Variants in MALRD1 observed in about 807,000 individuals in gnomAD.
MALRD1 encodes the protein MAM and LDL-receptor class A domain-containing protein 1.
MALRD1 carries 247 observed loss-of-function variants against 242.1 expected under a neutral mutation model. The ratio of observed to expected loss-of-function variants is 1.02; its 90% CI spans 0.92 to 1.13. The LOEUF is 1.13. Ranked by LOEUF, MALRD1 falls within the 50% of genes most tolerant of loss-of-function variation. The pLI, the probability that MALRD1 is intolerant of heterozygous loss-of-function variation, is 0.00. For synonymous variants in MALRD1, 995 were observed against 866.6 expected, an observed-to-expected ratio of 1.15 and a Z score of -2.60; for missense variants, 2,989 against 2,533.1, an observed-to-expected ratio of 1.18 and a Z score of -3.86.
chr10:19,306,131 A>G (rs1449996012), intron 21 of MALRD1, among the ~76,000 whole-genome samples: 1 of 99,220 alleles, frequency 1.0e-5, no homozygotes, highest in Non-Finnish European at 2.0e-5. Context: ...TAGTATATAT[A>G]GTATAGTATA....
intron 31 of MALRD1, among the ~76,000 whole-genome samples, chr10:19,513,905 T>G (rs898724131): frequency 6.6e-6 from 1 of 152,200 alleles, no homozygotes; most frequent in East Asian, 1.9e-4. Context: ...CTACTAGATA[T>G]TGGGTTAGCA....
chr10:19,372,790 A>G (rs4607973), intron 26 of MALRD1, among the ~76,000 whole-genome samples: 88,918 of 151,840 alleles, frequency 0.59, 26,238 homozygotes, highest in Middle Eastern at 0.63. Flanking sequence ...TTTAAACTCC[A>G]TTTATGTATT....
At chr10:19,488,997 T>C (rs1443714068) in intron 29 of MALRD1, 1 of 454,876 alleles carries the variant, frequency 2.2e-6, no homozygotes. Context: ...AATCCGGTTC[T>C]ATCCGGTTCT....
chr10:19,417,588 A>G (rs556069432), intron 28 of MALRD1, among the ~76,000 whole-genome samples: 1 of 152,184 alleles, frequency 6.6e-6, no homozygotes, highest in African/African-American at 2.4e-5. Flanking sequence ...ACTCTTAAGT[A>G]AAGTTTTAAT....
At chr10:19,595,856 T>C (rs1279473188) in intron 34 of MALRD1, among the ~76,000 whole-genome samples, 1 of 152,146 alleles carries the variant, frequency 6.6e-6, no homozygotes, top group African/African-American at 2.4e-5. Flanking sequence ...TCCTTTTTGA[T>C]CAAGTGACAA....
chr10:19,200,567 AG>A (rs1836474882), intron 14 of MALRD1, among the ~76,000 whole-genome samples: 1 of 150,942 alleles, frequency 6.6e-6, no homozygotes, highest in African/African-American at 2.4e-5. Context: ...CTGAACCATC[AG>A]AGAAGTTCTA....
intron 38 of MALRD1, among the ~76,000 whole-genome samples, chr10:19,713,183 A>T (rs553194636): frequency 1.4e-3 from 217 of 152,188 alleles, no homozygotes; most frequent in Non-Finnish European, 2.4e-3. Flanking sequence ...AAAAAAAGAA[A>T]CAGGAAATAA....
At chr10:19,308,058 T>A (rs1006354108) in intron 21 of MALRD1, among the ~76,000 whole-genome samples, 1 of 151,628 alleles carries the variant, frequency 6.6e-6, no homozygotes, top group African/African-American at 2.4e-5. Context: ...TTAGTTATTT[T>A]AAAATGTACA....
chr10:19,256,831 G>A (rs1183262534), intron 18 of MALRD1, among the ~76,000 whole-genome samples: 1 of 152,066 alleles, frequency 6.6e-6, no homozygotes, highest in Non-Finnish European at 1.5e-5. Flanking sequence ...CATTTGTGAG[G>A]AAAATGAAAT....
chr10:19,065,287 C>CGAA (rs1295229700), intron 1 of MALRD1, among the ~76,000 whole-genome samples: 1 of 50,632 alleles, frequency 2.0e-5, no homozygotes, highest in African/African-American at 8.9e-5. Context: ...AACGCTGTCT[C>CGAA]AAAAAAAAAA....
At chr10:19,115,953 T>C (rs1000730405) in intron 5 of MALRD1, among the ~76,000 whole-genome samples, 2 of 152,208 alleles carry the variant, frequency 1.3e-5, no homozygotes, top group Admixed American at 1.3e-4. Context: ...TTTTCACAGT[T>C]TCTGAACACT....
chr10:19,157,076 C>A (rs779532521), intron 12 of MALRD1, among the ~76,000 whole-genome samples: 2 of 151,976 alleles, frequency 1.3e-5, no homozygotes, highest in East Asian at 1.9e-4. Context: ...TTTTAGGAGT[C>A]TTTGAGTTAG....
At chr10:19,218,225 A>G (rs1372734806) in intron 18 of MALRD1, among the ~76,000 whole-genome samples, 2 of 152,140 alleles carry the variant, frequency 1.3e-5, no homozygotes, top group African/African-American at 2.4e-5. Context: ...GTTCACATTT[A>G]GTATCTAATA....
chr10:19,471,288 A>G (rs557475194), intron 29 of MALRD1, among the ~76,000 whole-genome samples: 35 of 151,774 alleles, frequency 2.3e-4, no homozygotes, highest in Non-Finnish European at 4.3e-4. Flanking sequence ...CCATTGGTCT[A>G]TGGGTCTGGT....
chr10:19,612,237 C>T (rs995191325), intron 35 of MALRD1, among the ~76,000 whole-genome samples: 1 of 151,822 alleles, frequency 6.6e-6, no homozygotes, highest in Non-Finnish European at 1.5e-5. Context: ...TCAGTCAAAC[C>T]AGCAAATTCC....
intron 29 of MALRD1, among the ~76,000 whole-genome samples, chr10:19,479,789 G>C (rs907778047): frequency 1.3e-5 from 2 of 152,132 alleles, no homozygotes; most frequent in African/African-American, 4.8e-5. Context: ...TTTACTCAGG[G>C]ACCCAGGCCT....
chr10:19,480,623 G>A (rs887957272), intron 29 of MALRD1, among the ~76,000 whole-genome samples: 1 of 152,204 alleles, frequency 6.6e-6, no homozygotes, highest in Non-Finnish European at 1.5e-5. Flanking sequence ...AGATATCTAT[G>A]CAAGGGTTCT....
At chr10:19,617,450 T>C (rs1461573816) in intron 36 of MALRD1, among the ~76,000 whole-genome samples, 1 of 152,044 alleles carries the variant, frequency 6.6e-6, no homozygotes, top group Non-Finnish European at 1.5e-5. Context: ...CAAACAAATG[T>C]TGGAATTAGT....
chr10:19,291,015 T>C (rs1841396055), intron 21 of MALRD1, among the ~76,000 whole-genome samples: 1 of 152,214 alleles, frequency 6.6e-6, no homozygotes, highest in Non-Finnish European at 1.5e-5. Flanking sequence ...ATCATTTTTA[T>C]CTCATAAGAA....
Sources: gnomAD v4.1 joint callset for allele counts (sites outside exome capture counted in the v4.1 genomes callset) on GRCh38, gnomAD v4.1.1 for gene constraint, MANE v1.5 for transcripts, NCBI Gene and HGNC (gene_info 2026-07-23, HGNC 2026-07-21) for gene names.